The following CELSR2 variants were observed in gnomAD, a reference collection of about 807,000 sequenced individuals.
The protein encoded by CELSR2 is EGF-like protein 2.
Under a neutral mutation model 251.6 loss-of-function variants are expected in CELSR2, and 81 were observed. That is an observed-to-expected ratio of 0.32 (90% CI 0.27 to 0.39). CELSR2 has a LOEUF of 0.39. Among genes scored for constraint, CELSR2 ranks in the 10% least tolerant of loss-of-function variants. CELSR2 has a pLI of 1.00. For missense variants in CELSR2, 3,365 were observed against 3,947.7 expected (o/e 0.85, Z 3.96); for synonymous variants, 1,721 against 1,670.5 (o/e 1.03, Z -0.74).
chr1:109,266,384 G>A (rs1256511445), intron 15 of CELSR2, 178 bp downstream of exon 15: 2 of 720,890 alleles, frequency 2.8e-6, no homozygotes, highest in African/African-American at 1.8e-5. Flanking sequence ...GCCCAGGTGT[G>A]CCTACATCTT....
Position 109,263,845 on chromosome 1 carries a change from C to T in CELSR2, c.5001+68C>T, listed in dbSNP as rs182270369. The T allele has an allele frequency of 2.7e-4, 426 of 1,558,100 alleles. 4 individuals carry two copies. The African/African-American group carries it at 5.3e-3, about 19-fold the overall frequency. ...CCCTGGTAGCCTCTAGGCGGCTGGA[C>T]AGAAGTGGCTGGGCAGGTCCTGGGC... On this transcript the variant is annotated intron_variant, in intron 9 of 33. Coordinates refer to ENST00000271332, the MANE Select transcript of CELSR2 (RefSeq NM_001408.3).
In CELSR2 at chr1:109,264,449, C is replaced by G. The variant is rs369439624; in HGVS notation, c.5290-5C>G. 5 of 1,610,976 alleles carry G rather than the reference C, an allele frequency of 3.1e-6. No individual in the cohort carries two copies. The highest frequency in any genetic ancestry group is 4.2e-6 in the Non-Finnish European group (5 of 1,177,780). ...TGAGGGCAACACTGCTCCTGTCCCT[C>G]CCAGGGTGTGCGGGTGAGCGATACG... On this transcript the variant is annotated splice_polypyrimidine_tract_variant and splice_region_variant and intron_variant, in intron 10 of 33. Transcript: ENST00000271332.
In CELSR2 at chr1:109,264,222, A is replaced by G. The variant is rs1315909714; in HGVS notation, c.5146A>G (p.Ile1716Val). The change falls in exon 10 of 34, where the codon ATT becomes GTT. Residue 1716 changes from isoleucine to valine, a missense_variant. By Grantham distance (29) the Ile-to-Val change is conservative. This residue lies in a region of CELSR2 where 2,093 missense variants were observed against 2,382.8 expected (regional missense o/e 0.88). Coordinates refer to ENST00000271332, the MANE Select transcript of CELSR2 (RefSeq NM_001408.3). The part of the protein sequence containing the change: ...LGASGGPGHA[I>V]LSFDYGQQRA... Reference sequence around the variant, plus strand: ...AGCCAGCGGGGGGCCCGGCCATGCCATTCTGTCCTTCGATTATGGGCAGCA... The same window carrying G: ...AGCCAGCGGGGGGCCCGGCCATGCCGTTCTGTCCTTCGATTATGGGCAGCA... 1 of 1,613,768 alleles carries G rather than the reference A, an allele frequency of 6.2e-7. No homozygotes were observed. Among genetic ancestry groups the G allele is most frequent in the Non-Finnish European group, 8.5e-7 (1 of 1,180,014 alleles).
chr1:109,263,385 G>A (rs1446288580), intron 8 of CELSR2, 118 bp downstream of exon 8: 13 of 1,444,806 alleles, frequency 9.0e-6, no homozygotes, highest in South Asian at 8.5e-5. Flanking sequence ...GTGGAAAAGC[G>A]TGTCTGGGCA....
Position 109,250,572 on chromosome 1 carries a change from G to A in CELSR2, c.493G>A (p.Glu165Lys). The A allele has an allele frequency of 6.2e-7, 1 of 1,614,054 alleles. No individual in the cohort carries two copies. The highest frequency in any genetic ancestry group is 8.5e-7 in the Non-Finnish European group (1 of 1,180,008). Residue 165 changes from glutamate (E) to lysine (K), a missense_variant, in exon 1 of 34, where the codon GAG (glutamate) becomes AAG (lysine). By Grantham distance (56) the Glu-to-Lys change is moderately conservative. This residue lies in a region of CELSR2 where 704 missense variants were observed against 784.1 expected (regional missense o/e 0.90). Transcript: ENST00000271332. This position sits in a 1 kb window ranked among gnomAD's most constrained non-coding sequence, Gnocchi z 4.4. ...CAGGGCAGGGGAAAGGTCACCAGAA[G>A]AGTCCCTGGGTGGGCGTCGGAAAAG... ...GLRAGERSPE[E>K]SLGGRRKRNV...
chr1:109,265,839 A>C lies in CELSR2; in HGVS notation c.5832A>C (p.Pro1944=). ...RVCDPEDGQC[P]CKPGVIGRQC... The stretch of plus-strand genomic sequence containing the variant: ...GTGACCCTGAGGATGGCCAGTGTCC[A>C]TGCAAGCCAGGTGTCATCGGGCGTC... Residue 1944 remains proline, a synonymous_variant, in exon 14 of 34, where the codon CCA becomes CCC. Coordinates refer to ENST00000271332, the MANE Select transcript of CELSR2 (RefSeq NM_001408.3). The C allele has an allele frequency of 6.2e-7, 1 of 1,614,108 alleles. No homozygotes were observed. The highest frequency in any genetic ancestry group is 8.5e-7 in the Non-Finnish European group (1 of 1,180,026).
chr1:109,258,681 TG>T lies in CELSR2; in HGVS notation c.3563del (p.Gly1188AlafsTer29). 1.3e-6 allele frequency: 2 copies of T among 1,548,358 alleles called. No homozygotes were observed. Among genetic ancestry groups the T allele is most frequent in the Non-Finnish European group, 8.7e-7 (1 of 1,145,334 alleles). On this transcript the variant is annotated frameshift_variant, in exon 2 of 34. Transcript: ENST00000271332. LOFTEE classifies it high-confidence loss of function. ...GGHILNVSLSVGQPPGPGGGP... is the reference protein window; with the variant it reads ...GGHILNVSLSXGQPPGPGGGP... ...CACATCCTCAACGTGAGCCTGTCGG[TG>T]GGCCAGCCGCCAGGGCCCGGGGGCG...
In CELSR2 at chr1:109,268,951, G is replaced by T; in HGVS notation, c.6574G>T (p.Gly2192Trp). The T allele has an allele frequency of 6.2e-7, 1 of 1,613,654 alleles. No homozygotes were observed. Among genetic ancestry groups the T allele is most frequent in the South Asian group, 1.1e-5 (1 of 91,056 alleles). Residue 2192 changes from glycine to tryptophan, a missense_variant, in exon 19 of 34, where the codon GGG becomes TGG. By Grantham distance (184) the Gly-to-Trp change is radical (BLOSUM62 -2). Around this residue, in one of 5 missense-constraint regions of CELSR2, gnomAD observed 2,093 missense variants for 2,382.8 expected, o/e 0.88. Coordinates refer to ENST00000271332, the MANE Select transcript of CELSR2 (RefSeq NM_001408.3). ...AKLPRYEALR[G>W]EQPPDLETTV... is the part of the protein sequence containing the mutation. Reference sequence around the variant, plus strand: ...GCTGCCCCGCTACGAGGCCCTGCGTGGGGAGCAGCCCCCGGACCTTGAGAC... The same window carrying T: ...GCTGCCCCGCTACGAGGCCCTGCGTTGGGAGCAGCCCCCGGACCTTGAGAC...
At position 109,250,748 on chromosome 1, in the gene CELSR2, C is replaced by G. The variant is rs750420179; in HGVS notation, c.669C>G (p.Leu223=). 5 of 1,614,146 alleles carry G rather than the reference C, an allele frequency of 3.1e-6. No individual in the cohort carries two copies. In the East Asian group the frequency reaches 1.1e-4, roughly 36 times the overall value. ...AGRLEYTMDA[L]FDSRSNQFFS... is the part of the protein sequence containing the mutation. ...GACTGGAGTACACCATGGATGCCCT[C>G]TTTGATAGCCGCTCCAACCAGTTCT... Residue 223 remains leucine, a synonymous_variant, in exon 1 of 34, where the codon CTC becomes CTG. Transcript: ENST00000271332. This position sits in a 1 kb window ranked among gnomAD's most constrained non-coding sequence, Gnocchi z 4.4.
In CELSR2 at chr1:109,273,246, C is replaced by G. The variant is rs146152324; in HGVS notation, c.8419C>G (p.Pro2807Ala). 3.3e-4 allele frequency: 531 copies of G among 1,612,772 alleles called. No individual in the cohort carries two copies. The African/African-American group carries it at 5.9e-3, about 18-fold the overall frequency. Residue 2807 changes from proline (P) to alanine (A), a missense_variant, in exon 32 of 34, where the codon CCT (proline) becomes GCT (alanine). Physicochemically the swap from Pro to Ala is conservative, Grantham distance 27. Transcript: ENST00000271332. Reference protein sequence around the residue: ...TAKESSGNGAPEERLRENGDA... With the variant: ...TAKESSGNGAAEERLRENGDA... ...AAAAGAGAGTAGTGGCAACGGGGCCCCTGAGGAGCGGCTGCGGGAGAATGG... is the reference window on the plus strand; with the variant it reads ...AAAAGAGAGTAGTGGCAACGGGGCCGCTGAGGAGCGGCTGCGGGAGAATGG...
rs1021909022 is a variant in CELSR2 at position 109,251,995 on chromosome 1, C to T, written c.1916C>T (p.Ala639Val). The change falls in exon 1 of 34, where the codon GCT becomes GTT. Residue 639 changes from alanine (A) to valine (V), a missense_variant. Ala to Val is a moderately conservative substitution (Grantham distance 64). Coordinates refer to ENST00000271332, the MANE Select transcript of CELSR2 (RefSeq NM_001408.3). The surrounding 1 kb of genome is among the most constrained non-coding windows in gnomAD (Gnocchi z 4.9). The part of the protein sequence containing the change: ...VVTVSAVDRD[A>V]HSVITYQITS... ...ACGGTGTCAGCTGTGGACCGTGATG[C>T]TCATAGTGTCATCACCTACCAGATC... 6.2e-7 allele frequency: 1 copy of T among 1,613,994 alleles called. No individual in the cohort carries two copies. The highest frequency in any genetic ancestry group is 1.3e-5 in the African/African-American group (1 of 74,908).
At chr1:109,270,705 C>G in intron 24 of CELSR2, 105 bp downstream of exon 24, 4 of 1,389,330 alleles carry the variant, frequency 2.9e-6, no homozygotes, top group Non-Finnish European at 3.9e-6. Flanking sequence ...CATCCCCATG[C>G]CCCAGGCCGC....
At position 109,273,624 on chromosome 1, in the gene CELSR2, A is replaced by T; in HGVS notation, c.8698A>T (p.Met2900Leu). Residue 2900 changes from methionine (M) to leucine (L), a missense_variant, in exon 33 of 34, where the codon ATG becomes TTG. Coordinates refer to ENST00000271332, the MANE Select transcript of CELSR2 (RefSeq NM_001408.3). Reference sequence around the variant, plus strand: ...GCTGAACGGGGTCATGCCCATCGCCATGAGCATCAAGGCAGGCACGGTGGA... The same window carrying T: ...GCTGAACGGGGTCATGCCCATCGCCTTGAGCATCAAGGCAGGCACGGTGGA... ...EQLNGVMPIA[M>L]SIKAGTVDED... The T allele has an allele frequency of 6.8e-7, 1 of 1,475,946 alleles. No homozygotes were observed. Among genetic ancestry groups the T allele is most frequent in the Non-Finnish European group, 9.1e-7 (1 of 1,101,800 alleles). 91.4% of individuals were successfully genotyped at this position (1,475,946 alleles called of 1,614,324 possible).
rs1656374177 is a variant in CELSR2, at chr1:109,271,594, T to G, written c.7804-6T>G. ...GCACAGACCGTTGCTGCCTCTTGCC[T>G]GCCAGGGCCCCTTCATCTTCCTCTC... is the stretch of plus-strand genomic sequence containing the variant. On this transcript the variant is annotated splice_region_variant and splice_polypyrimidine_tract_variant and intron_variant, in intron 27 of 33. Transcript: ENST00000271332. The G allele has an allele frequency of 6.2e-7, 1 of 1,614,022 alleles. No individual in the cohort carries two copies. The highest frequency in any genetic ancestry group is 1.7e-5 in the Admixed American group (1 of 60,012).
intron 1 of CELSR2, among the ~76,000 whole-genome samples, 193 bp downstream of exon 1, chr1:109,253,582 A>G (rs1486082273): frequency 1.3e-5 from 2 of 152,146 alleles, no homozygotes; most frequent in African/African-American, 4.8e-5. Context: ...TGCAGGCCCC[A>G]CCTTCTGCTG....
chr1:109,258,871 C>T lies in CELSR2; in HGVS notation c.3750C>T (p.Asp1250=), dbSNP rs769560599. Residue 1250 remains aspartate, a synonymous_variant, in exon 2 of 34, where the codon GAC becomes GAT. Coordinates refer to ENST00000271332, the MANE Select transcript of CELSR2 (RefSeq NM_001408.3). ...GCTGCGTGTCGGTGCTGCGCTTCGA[C>T]TCCTCCGCGCCCTTCATCGCCTCCT... The part of the protein sequence containing the change: ...YMRCVSVLRF[D]SSAPFIASSS... 1.2e-5 allele frequency: 19 copies of T among 1,612,264 alleles called. No homozygotes were observed.
chr1:109,265,051 C>A (rs1656149021), intron 12 of CELSR2, 42 bp downstream of exon 12: 1 of 1,612,870 alleles, frequency 6.2e-7, no homozygotes. Flanking sequence ...CCAGTGGCTG[C>A]TGCTTCTCTC....
At position 109,258,857 on chromosome 1, in the gene CELSR2, G is replaced by C. The variant is rs778494738; in HGVS notation, c.3736G>C (p.Val1246Leu). 1.6e-5 allele frequency: 25 copies of C among 1,612,346 alleles called. No individual in the cohort carries two copies. Among genetic ancestry groups the C allele is most frequent in the Non-Finnish European group, 2.0e-5 (24 of 1,179,402 alleles). The change falls in exon 2 of 34, where the codon GTG becomes CTG. Residue 1246 changes from valine (V) to leucine (L), a missense_variant. Physicochemically the swap from Val to Leu is conservative, Grantham distance 32. Transcript: ENST00000271332. ...CGAGAACTACATGCGCTGCGTGTCG[G>C]TGCTGCGCTTCGACTCCTCCGCGCC... ...PCENYMRCVS[V>L]LRFDSSAPFI... is the part of the protein sequence containing the mutation.
At position 109,269,390 on chromosome 1, in the gene CELSR2, C is replaced by T. The variant is rs767921181; in HGVS notation, c.6813-34C>T. 65 of 1,610,934 alleles carry T rather than the reference C, an allele frequency of 4.0e-5. No individual in the cohort carries two copies. In the South Asian group the frequency reaches 4.4e-4, roughly 11 times the overall value. On this transcript the variant is annotated intron_variant, in intron 20 of 33. Transcript: ENST00000271332. The surrounding 1 kb of genome is among the most constrained non-coding windows in gnomAD (Gnocchi z 6.4). ...GGCGTCTCCCCAGTCATGTGACTGCCGTGGTGACTGTGCACCTGACTGCCC... is the reference window on the plus strand; with the variant it reads ...GGCGTCTCCCCAGTCATGTGACTGCTGTGGTGACTGTGCACCTGACTGCCC...
Sources: allele counts gnomAD v4.1 joint callset (sites outside exome capture counted in the v4.1 genomes callset), GRCh38; gene constraint gnomAD v4.1.1; regional missense constraint gnomAD v4.1.1; non-coding constraint Gnocchi (gnomAD v3.1); transcripts MANE v1.5; gene names NCBI Gene and HGNC (gene_info 2026-07-23, HGNC 2026-07-21).